The following CNTNAP2 variants were observed in gnomAD, a reference collection of about 807,000 sequenced individuals.
The protein encoded by CNTNAP2 is contactin-associated protein-like 2.
Under a neutral mutation model 155.2 loss-of-function variants are expected in CNTNAP2, and 98 were observed. The observed-to-expected ratio is 0.63, with a 90% CI of 0.54 to 0.75. The LOEUF is 0.75. Ranked by LOEUF, CNTNAP2 falls within the 30% of genes least tolerant of loss-of-function variation. The pLI is 0.00. For synonymous variants in CNTNAP2, 651 were observed against 631.2 expected, an observed-to-expected ratio of 1.03 and a Z score of -0.47; for missense variants, 1,727 against 1,688.1, an observed-to-expected ratio of 1.02 and a Z score of -0.40.
intron 9 of CNTNAP2, among the ~76,000 whole-genome samples, chr7:147,307,422 A>AC (rs1795051353): frequency 1.3e-5 from 2 of 148,884 alleles, no homozygotes; most frequent in Admixed American, 6.7e-5. Context: ...TACTAAAAAA[A>AC]ACCACAAAAA....
chr7:146,269,622 C>G (rs1260344877), intron 1 of CNTNAP2, among the ~76,000 whole-genome samples: 2 of 152,158 alleles, frequency 1.3e-5, no homozygotes, highest in Non-Finnish European at 2.9e-5. Context: ...CTGTATTTTA[C>G]TGTTGAAGTC....
At chr7:148,202,461 C>A (rs1795383678) in intron 18 of CNTNAP2, among the ~76,000 whole-genome samples, 1 of 152,128 alleles carries the variant, frequency 6.6e-6, no homozygotes, top group Non-Finnish European at 1.5e-5. Flanking sequence ...CAGAGAAAGC[C>A]ATCCATCCAT....
intron 12 of CNTNAP2, among the ~76,000 whole-genome samples, chr7:147,631,436 C>T (rs1028751087): frequency 2.0e-5 from 3 of 152,084 alleles, no homozygotes; most frequent in African/African-American, 7.2e-5. Flanking sequence ...TTGCAATTTC[C>T]ATCAAAGTAC....
At chr7:146,935,240 C>T (rs957261951) in intron 3 of CNTNAP2, among the ~76,000 whole-genome samples, 4 of 152,122 alleles carry the variant, frequency 2.6e-5, no homozygotes, top group Admixed American at 1.3e-4. Context: ...AGTAATTTTT[C>T]CCCTTGTTTA....
At chr7:147,696,930 T>C (rs1352344851) in intron 13 of CNTNAP2, among the ~76,000 whole-genome samples, 2 of 152,196 alleles carry the variant, frequency 1.3e-5, no homozygotes, top group African/African-American at 2.4e-5. Flanking sequence ...ATTTTTTCTT[T>C]ATCTGATTTA....
At chr7:146,506,880 C>A (rs144580367) in intron 1 of CNTNAP2, among the ~76,000 whole-genome samples, 2 of 152,324 alleles carry the variant, frequency 1.3e-5, no homozygotes, top group African/African-American at 4.8e-5. Context: ...TGGACCCATC[C>A]TGTCTACCAT....
chr7:148,273,446 C>T (rs191047920), intron 21 of CNTNAP2, among the ~76,000 whole-genome samples: 24 of 152,324 alleles, frequency 1.6e-4, no homozygotes, highest in Non-Finnish European at 2.9e-4. Context: ...ATTACATACA[C>T]GACCTGTTTC....
chr7:146,853,483 C>G (rs546531412), intron 3 of CNTNAP2, among the ~76,000 whole-genome samples: 7 of 152,250 alleles, frequency 4.6e-5, no homozygotes, highest in Non-Finnish European at 7.4e-5. Context: ...GGAATTTAAC[C>G]TATTTCTTAG....
chr7:146,760,408 C>CTTTTTTTTTTTTTTTTTTTTT (rs1284570579), intron 1 of CNTNAP2, among the ~76,000 whole-genome samples: 3 of 78,868 alleles, frequency 3.8e-5, no homozygotes, highest in Admixed American at 1.3e-4. Flanking sequence ...CTCCAATTTA[C>CTTTTTTTTTTTTTTTTTTTTT]CTTTTTTTTT....
At chr7:148,189,500 C>A (rs982424892) in intron 18 of CNTNAP2, among the ~76,000 whole-genome samples, 7 of 152,112 alleles carry the variant, frequency 4.6e-5, no homozygotes, top group Admixed American at 6.5e-5. Context: ...GAAGGTGGAA[C>A]CCTCTGGGTC....
intron 21 of CNTNAP2, among the ~76,000 whole-genome samples, chr7:148,326,484 A>T (rs983247644): frequency 6.6e-6 from 1 of 152,104 alleles, no homozygotes; most frequent in African/African-American, 2.4e-5. Context: ...CACTCCCATG[A>T]TTCTGGACCA....
chr7:146,248,725 T>A (rs1194730120), intron 1 of CNTNAP2, among the ~76,000 whole-genome samples: 3 of 152,160 alleles, frequency 2.0e-5, no homozygotes, highest in African/African-American at 7.2e-5. Context: ...CCTGAGGTCG[T>A]ACGTGGATCT....
intron 2 of CNTNAP2, among the ~76,000 whole-genome samples, chr7:146,831,874 TATC>T (rs546156157): frequency 1.8e-3 from 269 of 152,214 alleles, no homozygotes; most frequent in Non-Finnish European, 2.7e-3. Context: ...GATAGTATTA[TATC>T]TTCTTTCTTC....
At chr7:147,187,530 A>T (rs1017324887) in intron 8 of CNTNAP2, among the ~76,000 whole-genome samples, 1 of 152,156 alleles carries the variant, frequency 6.6e-6, no homozygotes, top group Non-Finnish European at 1.5e-5. Context: ...CAAATACTAC[A>T]TGTTCCCACT....
intron 1 of CNTNAP2, among the ~76,000 whole-genome samples, chr7:146,760,832 T>C (rs1476445553): frequency 1.3e-5 from 2 of 152,134 alleles, no homozygotes; most frequent in Non-Finnish European, 2.9e-5. Flanking sequence ...AAAATATAGA[T>C]ATAACCATAT....
At position 147,239,510 on chromosome 7, in the gene CNTNAP2, C is replaced by CAAA. The variant is rs74785209; in HGVS notation, c.1349-60616_1349-60614dup. ...GGGCAATAGAGCGAGACTCCGTTTC[C>CAAA]AAAAAAAAAAAAAAAAAGGACACTT... On this transcript the variant is annotated intron_variant, in intron 8 of 23. Coordinates refer to ENST00000361727, the MANE Select transcript of CNTNAP2 (RefSeq NM_014141.6). Among the ~76,000 whole-genome samples the CAAA allele has an allele frequency of 5.1e-4, 38 of 74,942 alleles. 1 individual carries two copies. Among genetic ancestry groups the CAAA allele is most frequent in the African/African-American group, 1.6e-3 (34 of 21,702 alleles). The allele number at this position is 74,942 out of a possible 152,430, so 49.2% of individuals were successfully genotyped here. A position where few individuals can be genotyped will look rare whatever the true frequency, so the allele number is the denominator to read the frequency against.
At chr7:147,403,858 G>C (rs1011975346) in intron 10 of CNTNAP2, among the ~76,000 whole-genome samples, 1 of 152,016 alleles carries the variant, frequency 6.6e-6, no homozygotes, top group Non-Finnish European at 1.5e-5. Context: ...TTTAGTGATG[G>C]TTTTTATGAC....
chr7:147,286,739 T>A (rs1805188301), intron 8 of CNTNAP2, among the ~76,000 whole-genome samples: 1 of 152,126 alleles, frequency 6.6e-6, no homozygotes, highest in Admixed American at 6.6e-5. Context: ...AAAGTTCTTC[T>A]CCTTTATAGC....
chr7:147,918,632 C>T lies in CNTNAP2; in HGVS notation c.2255+14911C>T, dbSNP rs186225784. ...CTAGTTGTCTTAGGCTAATTTAATG[C>T]CCGGTATTAAGGTGAAATCAATTAC... On this transcript the variant is annotated intron_variant, in intron 14 of 23. Transcript: ENST00000361727. Among the ~76,000 whole-genome samples the T allele has an allele frequency of 2.8e-4, 42 of 152,142 alleles. No individual in the cohort carries two copies. The East Asian group carries it at 7.5e-3, about 27-fold the overall frequency.
Sources: gnomAD v4.1 joint callset for allele counts (sites outside exome capture counted in the v4.1 genomes callset) on GRCh38, gnomAD v4.1.1 for gene constraint, MANE v1.5 for transcripts, NCBI Gene and HGNC (gene_info 2026-07-23, HGNC 2026-07-21) for gene names.